The following GDAP1 variants were observed in gnomAD, a reference collection of about 807,000 sequenced individuals.
GDAP1 encodes the protein ganglioside-induced differentiation-associated protein 1.
A neutral mutation model predicts 40.1 loss-of-function variants in GDAP1; 34 were observed. The ratio of observed to expected loss-of-function variants is 0.85; its 90% confidence interval spans 0.64 to 1.13. GDAP1 has a LOEUF of 1.13. GDAP1 is among the 50% of genes most tolerant of loss of function. The pLI is 0.00. For synonymous variants in GDAP1, 170 were observed against 157.4 expected, an observed-to-expected ratio of 1.08 and a Z score of -0.60; for missense variants, 374 against 433.7, an observed-to-expected ratio of 0.86 and a Z score of 1.22.
In GDAP1 at chr8:74,351,321, T is replaced by A; in HGVS notation, c.165T>A (p.Asp55Glu). 6.2e-7 allele frequency: 1 copy of A among 1,614,224 alleles called. No individual in the cohort carries two copies. The highest frequency in any genetic ancestry group is 8.5e-7 in the Non-Finnish European group (1 of 1,180,002). ...AEKALKCEEHDVSLPLSEHNE... is the reference protein window; with the variant it reads ...AEKALKCEEHEVSLPLSEHNE... ...AGGCATTGAAGTGCGAGGAACATGA[T>A]GTAAGTCTGCCCTTGAGTGAGCACA... The change falls in exon 2 of 6, where the codon GAT becomes GAA. Residue 55 changes from aspartate to glutamate, a missense_variant. Physicochemically the swap from Asp to Glu is conservative, Grantham distance 45 (BLOSUM62 2). Transcript: ENST00000220822.
intron 2 of GDAP1, among the ~76,000 whole-genome samples, chr8:74,359,234 T>A (rs1264846531): frequency 6.6e-6 from 1 of 152,218 alleles, no homozygotes; most frequent in East Asian, 1.9e-4. Flanking sequence ...TGTATCTGAG[T>A]GTACATGTTA....
At chr8:74,362,854 A>G (rs549373705) in intron 4 of GDAP1, 85 bp from the exon 5 acceptor site, 1 of 619,876 alleles carries the variant, frequency 1.6e-6, no homozygotes, top group East Asian at 3.3e-5. Context: ...TGAACTCTGT[A>G]AGAGTTTGTA....
At chr8:74,351,517 T>G in intron 2 of GDAP1, 51 bp downstream of exon 2, 2 of 1,248,002 alleles carry the variant, frequency 1.6e-6, no homozygotes, top group Non-Finnish European at 2.4e-6. Context: ...AACACAACTA[T>G]GTGTTCCCTT....
In GDAP1 at chr8:74,397,262, T is replaced by C. The variant is rs567403046; in HGVS notation, c.165+45941T>C. Among the ~76,000 whole-genome samples the C allele has an allele frequency of 3.3e-3, 507 of 151,934 alleles. 4 individuals are homozygous for C. Among genetic ancestry groups the C allele is most frequent in the African/African-American group, 0.012 (481 of 41,462 alleles). On this transcript the variant is annotated intron_variant, in intron 2 of 2. Transcript: ENST00000523640. ...TTGTAGATTCTGGATATTAGCCCTTTGTCAGATGAGTAGGTTGCAAAAATT... is the reference window on the plus strand; with the variant it reads ...TTGTAGATTCTGGATATTAGCCCTTCGTCAGATGAGTAGGTTGCAAAAATT...
intron 2 of GDAP1, among the ~76,000 whole-genome samples, chr8:74,419,398 A>G (rs1485564970): frequency 6.6e-6 from 1 of 152,212 alleles, no homozygotes; most frequent in Non-Finnish European, 1.5e-5. Flanking sequence ...AAAGGCATTC[A>G]GAGTAAGAGA....
Position 74,351,276 on chromosome 8 carries a change from G to A in GDAP1, c.120G>A (p.Val40=), listed in dbSNP as rs1031865271. Residue 40 remains valine, a splice_region_variant and synonymous_variant, in exon 2 of 6, where the codon GTG becomes GTA. Transcript: ENST00000220822. ...GTAACCAGTGTGAACTCTTCCAGGT[G>A]CGCTTGGTAATTGCTGAAAAGGCAT... ...HWTHSFSSQK[V]RLVIAEKALK... The A allele has an allele frequency of 4.3e-6, 7 of 1,613,554 alleles. No individual in the cohort carries two copies. Among genetic ancestry groups the A allele is most frequent in the African/African-American group, 1.3e-5 (1 of 74,926 alleles).
chr8:74,413,158 G>A (rs1805736818), intron 2 of GDAP1, among the ~76,000 whole-genome samples: 1 of 147,894 alleles, frequency 6.8e-6, no homozygotes, highest in South Asian at 2.1e-4. Flanking sequence ...AAAAGTAATG[G>A]AGAGGGGTTC....
intron 2 of GDAP1, among the ~76,000 whole-genome samples, chr8:74,389,712 A>G (rs982330664): frequency 6.6e-6 from 1 of 152,062 alleles, no homozygotes; most frequent in Non-Finnish European, 1.5e-5. Flanking sequence ...CTGAATTTGA[A>G]TGTTGGCCTG....
chr8:74,397,018 A>T (rs374478679), intron 2 of GDAP1, among the ~76,000 whole-genome samples: 3 of 151,952 alleles, frequency 2.0e-5, no homozygotes, highest in African/African-American at 4.8e-5. Flanking sequence ...CTAGCACCTG[A>T]TGTTTCCTGA....
At chr8:74,415,793 A>G (rs1474605694) in intron 2 of GDAP1, among the ~76,000 whole-genome samples, 1 of 149,948 alleles carries the variant, frequency 6.7e-6, no homozygotes, top group Non-Finnish European at 1.5e-5. Flanking sequence ...TCTGCCAGCT[A>G]ACTCAGGTGG....
intron 3 of GDAP1, among the ~76,000 whole-genome samples, 153 bp downstream of exon 3, chr8:74,360,463 AC>A (rs1809310330): frequency 6.6e-6 from 1 of 152,178 alleles, no homozygotes; most frequent in Non-Finnish European, 1.5e-5. Flanking sequence ...CGATCCATGA[AC>A]CAGTCGGATT....
intron 2 of GDAP1, among the ~76,000 whole-genome samples, chr8:74,417,350 T>C (rs944983220): frequency 6.7e-6 from 1 of 150,028 alleles, no homozygotes; most frequent in Non-Finnish European, 1.5e-5. Flanking sequence ...AGTCAACAAA[T>C]GCTATTCAAC....
intron 2 of GDAP1, among the ~76,000 whole-genome samples, chr8:74,425,078 A>G (rs1247297323): frequency 6.6e-6 from 1 of 152,200 alleles, no homozygotes; most frequent in African/African-American, 2.4e-5. Flanking sequence ...AGCAGGTCAA[A>G]TAGGCACTAC....
intron 2 of GDAP1, among the ~76,000 whole-genome samples, chr8:74,400,644 G>A (rs1315142217): frequency 6.7e-6 from 1 of 149,868 alleles, no homozygotes; most frequent in Non-Finnish European, 1.5e-5. Flanking sequence ...TTTCTTCCTA[G>A]CCTTGATGGT....
chr8:74,432,699 C>T (rs377371444), intron 2 of GDAP1, among the ~76,000 whole-genome samples: 4 of 152,120 alleles, frequency 2.6e-5, no homozygotes, highest in African/African-American at 9.7e-5. Context: ...TAGATGGACT[C>T]GCCATCCTTC....
chr8:74,463,275 G>A (rs1216724047), intron 2 of GDAP1, among the ~76,000 whole-genome samples: 2 of 141,586 alleles, frequency 1.4e-5, no homozygotes, highest in Non-Finnish European at 3.0e-5. Context: ...AACATAGGGA[G>A]ACCCCATATG....
chr8:74,393,804 T>A (rs1428001142), intron 2 of GDAP1, among the ~76,000 whole-genome samples: 1 of 151,874 alleles, frequency 6.6e-6, no homozygotes, highest in Non-Finnish European at 1.5e-5. Context: ...TACCTTTCAG[T>A]ATGACACATG....
chr8:74,409,625 T>C (rs1805683257), intron 2 of GDAP1, among the ~76,000 whole-genome samples: 1 of 150,056 alleles, frequency 6.7e-6, no homozygotes. Context: ...TGTTCTGCAA[T>C]TATAGGCGTG....
chr8:74,448,135 A>C (rs1806255502), intron 2 of GDAP1, among the ~76,000 whole-genome samples: 1 of 152,196 alleles, frequency 6.6e-6, no homozygotes, highest in African/African-American at 2.4e-5. Context: ...AGATAGAACC[A>C]TTCCTTCACC....
Sources: allele counts gnomAD v4.1 joint callset (sites outside exome capture counted in the v4.1 genomes callset), GRCh38; gene constraint gnomAD v4.1.1; transcripts MANE v1.5; gene names NCBI Gene and HGNC (gene_info 2026-07-23, HGNC 2026-07-21).